MAP3K1: variants seen among roughly 807,000 people sequenced by gnomAD.
The protein encoded by MAP3K1 is mitogen-activated protein kinase kinase kinase 1, also known as MAP/ERK kinase kinase 1.
In MAP3K1, 36 loss-of-function variants were observed where a neutral mutation model predicts 144.2. That is an observed-to-expected ratio of 0.25 (90% CI 0.19 to 0.33). The LOEUF is 0.33. Ranked by LOEUF, MAP3K1 falls within the 10% of genes least tolerant of loss-of-function variation. MAP3K1 has a pLI of 1.00. For synonymous variants in MAP3K1, 718 were observed against 688.7 expected (o/e 1.04, Z -0.67); for missense variants, 1,650 against 1,881.9 (o/e 0.88, Z 2.28).
chr5:56,825,798 A>G (rs1746294836), intron 1 of MAP3K1, among the ~76,000 whole-genome samples: 3 of 152,034 alleles, frequency 2.0e-5, no homozygotes, highest in South Asian at 2.1e-4. Flanking sequence ...GCCACTGTCA[A>G]CCCACTGTCA....
intron 1 of MAP3K1, among the ~76,000 whole-genome samples, chr5:56,839,866 C>G (rs937713205): frequency 6.6e-6 from 1 of 151,598 alleles, no homozygotes; most frequent in East Asian, 1.9e-4. Context: ...CTCTGGCCAC[C>G]TGTGACCCTG....
chr5:56,886,021 T>C lies in MAP3K1; in HGVS notation c.4072T>C (p.Ser1358Pro). Residue 1358 changes from serine to proline, a missense_variant, in exon 17 of 20, where the codon TCG becomes CCG. Coordinates refer to ENST00000399503, the MANE Select transcript of MAP3K1 (RefSeq NM_005921.2). ...NYTEQLLRGL[S>P]YLHENQIIHR... ...CACTGAACAGTTACTCCGTGGCCTT[T>C]CGTATCTCCATGAAAACCAAATCAT... 1 of 1,612,840 alleles carries C rather than the reference T, an allele frequency of 6.2e-7. No homozygotes were observed. Among genetic ancestry groups the C allele is most frequent in the Non-Finnish European group, 8.5e-7 (1 of 1,178,870 alleles).
At chr5:56,892,631 TA>T (rs1402704044) in intron 19 of MAP3K1, among the ~76,000 whole-genome samples, 1 of 151,288 alleles carries the variant, frequency 6.6e-6, no homozygotes, top group South Asian at 2.1e-4. Context: ...GAAATAGAGA[TA>T]TTTTCAGACA....
At chr5:56,845,650 TTTA>T (rs1370737657) in intron 1 of MAP3K1, among the ~76,000 whole-genome samples, 1 of 152,196 alleles carries the variant, frequency 6.6e-6, no homozygotes, top group African/African-American at 2.4e-5. Context: ...TTGTTTTGTT[TTTA>T]AAAACATCCT....
chr5:56,870,263 T>C (rs1579765826), intron 6 of MAP3K1, among the ~76,000 whole-genome samples: 1 of 152,200 alleles, frequency 6.6e-6, no homozygotes, highest in Admixed American at 6.5e-5. Flanking sequence ...GGCATATTCT[T>C]CTCAGATAAA....
chr5:56,884,156 T>A (rs916895544), intron 15 of MAP3K1, among the ~76,000 whole-genome samples: 2 of 151,672 alleles, frequency 1.3e-5, no homozygotes, highest in African/African-American at 2.4e-5. Flanking sequence ...CAAAAAAAAA[T>A]AAATAAAAGT....
chr5:56,843,568 CT>C (rs1359429372), intron 1 of MAP3K1, among the ~76,000 whole-genome samples: 1 of 152,032 alleles, frequency 6.6e-6, no homozygotes, highest in Non-Finnish European at 1.5e-5. Context: ...GGCTTTTTTG[CT>C]TTCACCCCAG....
chr5:56,880,863 T>G lies in MAP3K1; in HGVS notation c.2179+61T>G, dbSNP rs1180596735. 4.4e-6 allele frequency: 6 copies of G among 1,359,476 alleles called. No individual in the cohort carries two copies. In the South Asian group the frequency reaches 6.0e-5, roughly 14 times the overall value. 84.2% of individuals were successfully genotyped at this position (1,359,476 alleles called of 1,614,324 possible). ...TTTATCATGTTCCTGAGCAGCCTTG[T>G]CTAATCTCATAATCTCTCATGAGGC... On this transcript the variant is annotated intron_variant, in intron 12 of 19. Transcript: ENST00000399503.
Position 56,815,851 on chromosome 5 carries a change from C to G in MAP3K1, c.278C>G (p.Pro93Arg), listed in dbSNP as rs756296943. The G allele has an allele frequency of 5.0e-6, 7 of 1,401,550 alleles. No homozygotes were observed. The highest frequency in any genetic ancestry group is 5.6e-6 in the Non-Finnish European group (6 of 1,073,576). 86.8% of individuals were successfully genotyped at this position (1,401,550 alleles called of 1,614,324 possible). The change falls in exon 1 of 20, where the codon CCG (proline) becomes CGG (arginine). Residue 93 changes from proline to arginine, a missense_variant. Pro to Arg is a moderately radical substitution (Grantham distance 103). Around this residue, in one of 6 missense-constraint regions of MAP3K1, gnomAD observed 360 missense variants for 274.7 expected, o/e 1.31. Transcript: ENST00000399503. ...CCGGCCTCCTCGACTTCCCCGTCGCCGGAGCCCGCGGACGCAGCGGGGAGT... is the reference window on the plus strand; with the variant it reads ...CCGGCCTCCTCGACTTCCCCGTCGCGGGAGCCCGCGGACGCAGCGGGGAGT... ...SPPASSTSPS[P>R]EPADAAGSGT...
At chr5:56,817,965 GT>G (rs1746030423) in intron 1 of MAP3K1, among the ~76,000 whole-genome samples, 1 of 152,128 alleles carries the variant, frequency 6.6e-6, no homozygotes, top group Non-Finnish European at 1.5e-5. Context: ...TGTAACCGAG[GT>G]TTTTTCCCCT....
rs778754223 is a variant in MAP3K1, at chr5:56,882,012, C to A, written c.2812C>A (p.Pro938Thr). 1.6e-4 allele frequency: 257 copies of A among 1,558,570 alleles called. No individual in the cohort carries two copies. The highest frequency in any genetic ancestry group is 2.2e-4 in the Non-Finnish European group (251 of 1,155,304). ...GAGACTGGCCAGCATTTCAGTAGGA[C>A]CTTCTAGTTCAACAACAACAACAAC... is the stretch of plus-strand genomic sequence containing the variant. ...SERLASISVG[P>T]SSSTTTTTTT... The change falls in exon 14 of 20, where the codon CCT (proline) becomes ACT (threonine). Residue 938 changes from proline to threonine, a missense_variant. Pro to Thr is a conservative substitution (Grantham distance 38). Transcript: ENST00000399503.
At chr5:56,833,155 C>T (rs553543642) in intron 1 of MAP3K1, among the ~76,000 whole-genome samples, 1 of 152,308 alleles carries the variant, frequency 6.6e-6, no homozygotes, top group Non-Finnish European at 1.5e-5. Flanking sequence ...CAGGCGTGAG[C>T]CACCATGCTC....
chr5:56,848,575 G>A (rs930383258), intron 1 of MAP3K1, among the ~76,000 whole-genome samples: 1 of 152,168 alleles, frequency 6.6e-6, no homozygotes, highest in Admixed American at 6.5e-5. Context: ...CAGTGATTGT[G>A]TGTTTACAGT....
chr5:56,874,962 G>T, intron 9 of MAP3K1, 70 bp from the exon 10 acceptor site: 6 of 1,517,834 alleles, frequency 4.0e-6, no homozygotes, highest in Non-Finnish European at 5.5e-6. Flanking sequence ...CAAAAATGAT[G>T]CTAAACTCAA....
chr5:56,887,600 T>G, intron 18 of MAP3K1, 80 bp downstream of exon 18: 3 of 1,462,208 alleles, frequency 2.1e-6, no homozygotes, highest in Non-Finnish European at 2.9e-6. Context: ...TATCTTGCAG[T>G]GGTATCCAGT....
rs747853407 is a variant in MAP3K1 at position 56,882,504 on chromosome 5, A to G, written c.3304A>G (p.Ser1102Gly). The change falls in exon 14 of 20, where the codon AGT becomes GGT. Residue 1102 changes from serine (S) to glycine (G), a missense_variant. Coordinates refer to ENST00000399503, the MANE Select transcript of MAP3K1 (RefSeq NM_005921.2). The stretch of plus-strand genomic sequence containing the variant: ...CAGCTTTGGCTGTAGCAGCAATAGT[A>G]GTAATGCTGTTATACCCAGTGACGA... ...DDSFGCSSNS[S>G]NAVIPSDETV... 1.2e-6 allele frequency: 2 copies of G among 1,614,140 alleles called. No individual in the cohort carries two copies. Among genetic ancestry groups the G allele is most frequent in the East Asian group, 4.5e-5 (2 of 44,876 alleles).
chr5:56,893,921 G>A lies in MAP3K1; in HGVS notation c.*241G>A, dbSNP rs757439279. ...GTGCCTTTCAAAGAACTGGCCCTAG[G>A]TGAACAGGAAAACAATGAAGTTTGC... On this transcript the variant is annotated 3_prime_UTR_variant, in exon 20 of 20. Transcript: ENST00000399503. 12 of 543,786 alleles carry A rather than the reference G, an allele frequency of 2.2e-5. No homozygotes were observed. The highest frequency in any genetic ancestry group is 3.3e-5 in the Non-Finnish European group (10 of 301,950). The allele number at this position is 543,786 out of a possible 1,614,324, so 33.7% of individuals were successfully genotyped here. A position where few individuals can be genotyped will look rare whatever the true frequency, so the allele number is the denominator to read the frequency against.
chr5:56,890,694 T>C (rs1748522277), intron 19 of MAP3K1, among the ~76,000 whole-genome samples: 1 of 152,040 alleles, frequency 6.6e-6, no homozygotes, highest in Non-Finnish European at 1.5e-5. Context: ...TATGAAGCTG[T>C]TGGTGTTGAT....
At chr5:56,887,054 T>TAATAA (rs1267859534) in intron 17 of MAP3K1, among the ~76,000 whole-genome samples, 3 of 152,250 alleles carry the variant, frequency 2.0e-5, no homozygotes, top group Non-Finnish European at 4.4e-5. Flanking sequence ...TCAGCCACCG[T>TAATAA]ACCTGGCCTC....
Sources: gnomAD v4.1 joint callset for allele counts (sites outside exome capture counted in the v4.1 genomes callset) on GRCh38, gnomAD v4.1.1 for gene constraint, gnomAD v4.1.1 regional missense constraint, MANE v1.5 for transcripts, NCBI Gene and HGNC (gene_info 2026-07-23, HGNC 2026-07-21) for gene names.